DGLUCY: variants seen among roughly 807,000 people sequenced by gnomAD.
DGLUCY encodes the protein D-glutamate cyclase, mitochondrial.
In DGLUCY, 58 loss-of-function variants were observed where a neutral mutation model predicts 58.5. The observed-to-expected ratio is 0.99, with a 90% confidence interval of 0.80 to 1.23. The LOEUF is 1.23. Among genes scored for constraint, DGLUCY ranks in the 50% most tolerant of loss-of-function variants. The pLI, the probability that DGLUCY is intolerant of heterozygous loss-of-function variation, is 0.00. For synonymous variants in DGLUCY, 325 were observed against 314.1 expected, an observed-to-expected ratio of 1.03 and a Z score of -0.37; for missense variants, 779 against 784.7, an observed-to-expected ratio of 0.99 and a Z score of 0.09.
At chr14:91,166,634 C>T (rs978256995) in intron 3 of DGLUCY, among the ~76,000 whole-genome samples, 6 of 151,404 alleles carry the variant, frequency 4.0e-5, no homozygotes, top group Non-Finnish European at 8.8e-5. Flanking sequence ...CAGTGCACTC[C>T]AGCCTGGGTG....
chr14:91,215,670 C>G, intron 13 of DGLUCY, 114 bp downstream of exon 13: 1 of 1,591,126 alleles, frequency 6.3e-7, no homozygotes, highest in Non-Finnish European at 8.5e-7. Context: ...CCCTCAAAAG[C>G]CAGAGGCAGA....
chr14:91,155,467 A>G (rs2047563661), intron 1 of DGLUCY, among the ~76,000 whole-genome samples: 1 of 152,192 alleles, frequency 6.6e-6, no homozygotes, highest in African/African-American at 2.4e-5. Context: ...TGGAATCTCC[A>G]AAGAGATAAA....
At chr14:91,202,361 C>T (rs1384093145) in intron 11 of DGLUCY, among the ~76,000 whole-genome samples, 1 of 152,182 alleles carries the variant, frequency 6.6e-6, no homozygotes, top group Non-Finnish European at 1.5e-5. Context: ...GGGTGGGTCT[C>T]AGGCCCTGGG....
At position 91,173,416 on chromosome 14, in the gene DGLUCY, A is replaced by G. The variant is rs1373250441; in HGVS notation, c.584A>G (p.Gln195Arg). Residue 195 changes from glutamine to arginine, a missense_variant, in exon 6 of 14, where the codon CAA (glutamine) becomes CGA (arginine). Gln to Arg is a conservative substitution (Grantham distance 43). Transcript: ENST00000256324. ...TGCTCCCTCGGAGGTGAGCAGGGGC[A>G]ACCTGTTCACATGGGCGACCCAGGT... ...ACCSLGGEQG[Q>R]PVHMGDPELL... 6.2e-7 allele frequency: 1 copy of G among 1,607,962 alleles called. No homozygotes were observed. Among genetic ancestry groups the G allele is most frequent in the South Asian group, 1.1e-5 (1 of 90,148 alleles).
intron 7 of DGLUCY, among the ~76,000 whole-genome samples, chr14:91,179,729 C>T (rs926465611): frequency 5.3e-5 from 8 of 149,938 alleles, no homozygotes; most frequent in African/African-American, 1.7e-4. Context: ...CCAACCTGGG[C>T]GACAGAGCAA....
In DGLUCY at chr14:91,116,120, G is replaced by C. The variant is rs1595667847; in HGVS notation, c.-82+1837G>C. 2.0e-5 allele frequency among the ~76,000 whole-genome samples: 3 copies of C among 152,082 alleles called. No homozygotes were observed. In the East Asian group the frequency reaches 5.8e-4, roughly 29 times the overall value. Reference sequence around the variant, plus strand: ...GATACACAAAACCAACCCTCTCCTTGACAGATTTCTCAGCCTTTCCAGGCG... The same window carrying C: ...GATACACAAAACCAACCCTCTCCTTCACAGATTTCTCAGCCTTTCCAGGCG... On this transcript the variant is annotated intron_variant, in intron 1 of 13. Transcript: ENST00000256324.
chr14:91,133,212 T>C (rs150078631), intron 1 of DGLUCY, among the ~76,000 whole-genome samples: 2 of 152,128 alleles, frequency 1.3e-5, no homozygotes, highest in East Asian at 3.9e-4. Flanking sequence ...GGAGAATTGC[T>C]TGAACCCGGG....
intron 1 of DGLUCY, among the ~76,000 whole-genome samples, chr14:91,123,429 T>G (rs892219881): frequency 1.6e-4 from 24 of 151,764 alleles, no homozygotes; most frequent in African/African-American, 5.6e-4. Context: ...GCAGCCCTGT[T>G]TGGGAAAACT....
chr14:91,121,414 C>T (rs1246689256), intron 1 of DGLUCY, among the ~76,000 whole-genome samples: 2 of 151,938 alleles, frequency 1.3e-5, no homozygotes, highest in Non-Finnish European at 2.9e-5. Context: ...TTTGGCTGGG[C>T]GCAGTGGCTC....
At chr14:91,177,087 C>T (rs1245220421) in intron 7 of DGLUCY, among the ~76,000 whole-genome samples, 1 of 152,118 alleles carries the variant, frequency 6.6e-6, no homozygotes, top group African/African-American at 2.4e-5. Flanking sequence ...CAGCCTCAAA[C>T]CTCTGGGGTC....
At chr14:91,156,167 G>A (rs1186820355) in intron 1 of DGLUCY, among the ~76,000 whole-genome samples, 1 of 150,776 alleles carries the variant, frequency 6.6e-6, no homozygotes, top group Non-Finnish European at 1.5e-5. Context: ...AGACTGGAGT[G>A]CAGTAGCGTG....
intron 12 of DGLUCY, among the ~76,000 whole-genome samples, chr14:91,205,754 C>CTCT (rs34299453): frequency 0.39 from 50,861 of 129,314 alleles, 11,059 homozygotes; most frequent in Non-Finnish European, 0.49. Flanking sequence ...CCAGGGCATT[C>CTCT]TCTTCTTCTT....
intron 13 of DGLUCY, chr14:91,220,596 C>G (rs1397824595): frequency 4.4e-6 from 2 of 456,202 alleles, no homozygotes; most frequent in African/African-American, 2.0e-5. Flanking sequence ...TCATGTGGGA[C>G]TGTCTGTCTT....
intron 10 of DGLUCY, among the ~76,000 whole-genome samples, chr14:91,196,699 C>T (rs1342467120): frequency 7.2e-6 from 1 of 138,272 alleles, no homozygotes; most frequent in Non-Finnish European, 1.5e-5. Context: ...CCCTGGGCAG[C>T]AGAGAGAGAC....
chr14:91,164,404 T>C (rs1391845885), intron 3 of DGLUCY, among the ~76,000 whole-genome samples: 1 of 152,218 alleles, frequency 6.6e-6, no homozygotes, highest in African/African-American at 2.4e-5. Flanking sequence ...TAGATGTTCT[T>C]TGGTGTCTGC....
intron 6 of DGLUCY, 46 bp downstream of exon 6, chr14:91,173,485 C>A: frequency 1.3e-6 from 2 of 1,532,428 alleles, no homozygotes; most frequent in South Asian, 1.3e-5. Flanking sequence ...TTCACATGGG[C>A]AACCCAGGTC....
intron 1 of DGLUCY, among the ~76,000 whole-genome samples, chr14:91,080,561 G>A (rs753749298): frequency 1.4e-4 from 22 of 152,028 alleles, no homozygotes; most frequent in Non-Finnish European, 2.2e-4. Flanking sequence ...AGGAGAGACG[G>A]GGTTTCACCA....
intron 1 of DGLUCY, among the ~76,000 whole-genome samples, chr14:91,157,086 G>A (rs995383803): frequency 0.013 from 1,902 of 145,806 alleles, 20 homozygotes; most frequent in Middle Eastern, 0.024. Context: ...TGGATGGATG[G>A]ATGGATGAAT....
chr14:91,136,004 G>A (rs901472172), intron 1 of DGLUCY, among the ~76,000 whole-genome samples: 14 of 143,884 alleles, frequency 9.7e-5, no homozygotes, highest in Non-Finnish European at 1.5e-4. Flanking sequence ...CTGCAATCTC[G>A]GCTCACTGCA....
Sources: allele counts gnomAD v4.1 joint callset (sites outside exome capture counted in the v4.1 genomes callset), GRCh38; gene constraint gnomAD v4.1.1; transcripts MANE v1.5; gene names NCBI Gene and HGNC (gene_info 2026-07-23, HGNC 2026-07-21).